Variants in THSD7B observed in about 807,000 individuals in gnomAD.
The protein encoded by THSD7B is thrombospondin type 1 domain containing 7B, also known as thrombospondin type-1 domain-containing protein 7B.
A neutral mutation model predicts 213.6 loss-of-function variants in THSD7B; 138 were observed. The observed-to-expected ratio is 0.65, with a 90% CI of 0.56 to 0.74. The LOEUF (loss-of-function observed/expected upper bound fraction) is 0.74, where lower values mean the gene tolerates loss of function less well. THSD7B is among the 30% of genes least tolerant of loss of function. The probability of loss-of-function intolerance (pLI) is 0.00; values close to 1 mark genes in which losing one functional copy is unlikely to be tolerated. For synonymous variants in THSD7B, 742 were observed against 687.0 expected (o/e 1.08, Z -1.25); for missense variants, 1,931 against 1,991.5 (o/e 0.97, Z 0.58).
intron 6 of THSD7B, among the ~76,000 whole-genome samples, chr2:137,169,341 T>G (rs1558945357): frequency 6.6e-6 from 1 of 151,896 alleles, no homozygotes. Flanking sequence ...AGCTTTTTCT[T>G]GTTTCTCAAA....
intron 7 of THSD7B, among the ~76,000 whole-genome samples, chr2:137,177,808 C>A (rs1395848089): frequency 6.6e-6 from 1 of 152,098 alleles, no homozygotes; most frequent in Non-Finnish European, 1.5e-5. Context: ...CAGTGGCTCA[C>A]ACCTGTAATT....
intron 2 of THSD7B, among the ~76,000 whole-genome samples, chr2:137,007,841 C>T (rs570716987): frequency 4.3e-4 from 66 of 152,216 alleles, no homozygotes; most frequent in Admixed American, 1.5e-3. Flanking sequence ...TATGAGTCAC[C>T]TAAATACCAC....
In THSD7B at chr2:137,452,188, A is replaced by G. The variant is rs1472567131; in HGVS notation, c.3138+1165A>G. On this transcript the variant is annotated intron_variant, in intron 15 of 27. Coordinates refer to ENST00000409968, the MANE Select transcript of THSD7B (RefSeq NM_001316349.2). ...TAAAACAGAGCATAGTTATTATGCT[A>G]GTCTTGATTTTTAAGGTTATGTGGT... 6 of 202,558 alleles carry G rather than the reference A, an allele frequency of 3.0e-5. No homozygotes were observed. The South Asian group carries it at 5.1e-4, about 17-fold the overall frequency. 12.5% of individuals were successfully genotyped at this position (202,558 alleles called of 1,614,324 possible).
intron 3 of THSD7B, among the ~76,000 whole-genome samples, chr2:137,073,322 T>A (rs893506902): frequency 6.6e-6 from 1 of 152,222 alleles, no homozygotes. Flanking sequence ...TTCTTCCTGG[T>A]TTAGTCTTGG....
intron 3 of THSD7B, among the ~76,000 whole-genome samples, chr2:137,071,716 T>C (rs1387921559): frequency 1.3e-5 from 2 of 152,238 alleles, no homozygotes; most frequent in East Asian, 3.9e-4. Context: ...GCCTAGGTTT[T>C]CTTCTAGGGT....
At chr2:137,552,956 G>C (rs1045501210) in intron 15 of THSD7B, among the ~76,000 whole-genome samples, 3 of 152,176 alleles carry the variant, frequency 2.0e-5, no homozygotes, top group Admixed American at 2.0e-4. Flanking sequence ...CATTGAATTA[G>C]GGGATGGGGA....
At chr2:136,864,592 G>A (rs1187827431) in intron 1 of THSD7B, among the ~76,000 whole-genome samples, 1 of 146,864 alleles carries the variant, frequency 6.8e-6, no homozygotes, top group Non-Finnish European at 1.5e-5. Flanking sequence ...TCACTCTGTT[G>A]CCCAGGCTGG....
chr2:137,676,108 C>A (rs1683693433), intron 27 of THSD7B, among the ~76,000 whole-genome samples: 1 of 152,142 alleles, frequency 6.6e-6, no homozygotes. Context: ...ATGTCAGGTT[C>A]CAGGTCAGAG....
At chr2:136,836,783 A>G (rs576575537) in intron 1 of THSD7B, among the ~76,000 whole-genome samples, 2 of 152,142 alleles carry the variant, frequency 1.3e-5, no homozygotes, top group Admixed American at 6.5e-5. Flanking sequence ...CATCTAGTGT[A>G]TATCTCTCCT....
intron 15 of THSD7B, among the ~76,000 whole-genome samples, chr2:137,465,969 G>A (rs1687983421): frequency 6.6e-6 from 1 of 152,088 alleles, no homozygotes; most frequent in South Asian, 2.1e-4. Context: ...GGTATTTCAT[G>A]TTCCCATGGT....
Position 137,663,510 on chromosome 2 carries a change from A to G in THSD7B, c.4586A>G (p.Asn1529Ser), listed in dbSNP as rs2104823787. The change falls in exon 26 of 28, where the codon AAC (asparagine) becomes AGC (serine). Residue 1529 changes from asparagine to serine, a missense_variant. By Grantham distance (46) the Asn-to-Ser change is conservative. Coordinates refer to ENST00000409968, the MANE Select transcript of THSD7B (RefSeq NM_001316349.2). ...KADVKNLSGK[N>S]RPVNSKIHDI... ...GATGTGAAAAACCTTTCTGGGAAAA[A>G]CAGACCTGTGAATTCAAAAATACAT... is the stretch of plus-strand genomic sequence containing the variant. The G allele has an allele frequency of 1.2e-6, 2 of 1,607,708 alleles. No homozygotes were observed. The highest frequency in any genetic ancestry group is 1.7e-6 in the Non-Finnish European group (2 of 1,176,686).
At chr2:137,487,736 CTTTTTTTTTTTTTTTTTTTTTTTT>C (rs746163389) in intron 15 of THSD7B, among the ~76,000 whole-genome samples, 1 of 13,338 alleles carries the variant, frequency 7.5e-5, no homozygotes, top group East Asian at 2.2e-3. Flanking sequence ...AGGTTTCTTT[CTTTTTTTTTTTTTTTTTTTTTTTT>C]TTTTTTTTTT....
chr2:136,791,705 T>C (rs1374175048), intron 1 of THSD7B, among the ~76,000 whole-genome samples: 2 of 152,124 alleles, frequency 1.3e-5, no homozygotes, highest in African/African-American at 4.8e-5. Flanking sequence ...TACATCTGTG[T>C]TCATGAATAT....
chr2:137,506,264 C>T (rs889096655), intron 15 of THSD7B, among the ~76,000 whole-genome samples: 32 of 152,286 alleles, frequency 2.1e-4, no homozygotes, highest in African/African-American at 6.3e-4. Context: ...AGAACTGAGT[C>T]GTGGCCACAA....
rs183868635 is a variant in THSD7B at position 137,033,179 on chromosome 2, A to C, written c.140-23241A>C. On this transcript the variant is annotated intron_variant, in intron 2 of 27. Coordinates refer to ENST00000409968, the MANE Select transcript of THSD7B (RefSeq NM_001316349.2). ...TTGTATATGTGTCTACATGCCAGCC[A>C]GGTGGTTCTGCTGATACTGGCTAGA... Among the ~76,000 whole-genome samples the C allele has an allele frequency of 7.0e-4, 106 of 152,320 alleles. 1 individual carries two copies. The highest frequency in any genetic ancestry group is 2.5e-3 in the African/African-American group (104 of 41,576).
chr2:137,106,592 A>G (rs1258423676), intron 4 of THSD7B, among the ~76,000 whole-genome samples: 3 of 152,220 alleles, frequency 2.0e-5, no homozygotes, highest in Admixed American at 1.3e-4. Flanking sequence ...AGAAACTATC[A>G]TTAGAGTGAA....
chr2:137,471,805 C>T lies in THSD7B; in HGVS notation c.3138+20782C>T, dbSNP rs139567781. Among the ~76,000 whole-genome samples, 29 of 152,154 alleles carry T rather than the reference C, an allele frequency of 1.9e-4. No homozygotes were observed. In the East Asian group the frequency reaches 5.5e-3, roughly 29 times the overall value. The stretch of plus-strand genomic sequence containing the variant: ...CCTTCTTCACTGTGGGGAAAGGTGT[C>T]GCTGGACGAGGGTCAGAAAATGTTC... On this transcript the variant is annotated intron_variant, in intron 15 of 27. Coordinates refer to ENST00000409968, the MANE Select transcript of THSD7B (RefSeq NM_001316349.2).
At chr2:137,352,724 A>G (rs1017744594) in intron 12 of THSD7B, among the ~76,000 whole-genome samples, 4 of 152,030 alleles carry the variant, frequency 2.6e-5, no homozygotes, top group Non-Finnish European at 5.9e-5. Flanking sequence ...GCTCCAGTTA[A>G]AGGTAACTGA....
intron 2 of THSD7B, among the ~76,000 whole-genome samples, chr2:136,946,815 G>GTAC (rs1684948261): frequency 6.6e-6 from 1 of 152,212 alleles, no homozygotes; most frequent in African/African-American, 2.4e-5. Flanking sequence ...ATCTCCTGAT[G>GTAC]TACTATTTGC....
Sources: allele counts gnomAD v4.1 joint callset (sites outside exome capture counted in the v4.1 genomes callset), GRCh38; gene constraint gnomAD v4.1.1; transcripts MANE v1.5; gene names NCBI Gene and HGNC (gene_info 2026-07-23, HGNC 2026-07-21).